POPDC2: variants seen among roughly 807,000 people sequenced by gnomAD.
The protein encoded by POPDC2 is popeye domain-containing protein 2.
A neutral mutation model predicts 30.5 loss-of-function variants in POPDC2; 24 were observed. The observed-to-expected ratio is 0.79, with a 90% CI of 0.57 to 1.11. The LOEUF is 1.11. Among genes scored for constraint, POPDC2 ranks in the 50% least tolerant of loss-of-function variants. The probability of loss-of-function intolerance (pLI) is 0.00; values close to 1 mark genes in which losing one functional copy is unlikely to be tolerated. For missense variants in POPDC2, 409 were observed against 447.0 expected, an observed-to-expected ratio of 0.91 and a Z score of 0.77; for synonymous variants, 185 against 183.3, an observed-to-expected ratio of 1.01 and a Z score of -0.07.
intron 2 of POPDC2, among the ~76,000 whole-genome samples, chr3:119,652,854 G>C (rs75022313): frequency 1.6e-4 from 25 of 152,314 alleles, no homozygotes; most frequent in African/African-American, 6.0e-4. Context: ...GTGTCAGGGT[G>C]GGGGCAGAAG....
Position 119,660,039 on chromosome 3 carries a change from T to A in POPDC2, c.385A>T (p.Ile129Phe). Residue 129 changes from isoleucine to phenylalanine, a missense_variant, in exon 1 of 4, where the codon ATT becomes TTT. Ile to Phe is a conservative substitution (Grantham distance 21, BLOSUM62 0). Coordinates refer to ENST00000493094, the MANE Select transcript of POPDC2 (RefSeq NM_001369919.2). ...LQVPLQTYKE[I>F]VHCCEEQVLT... is the part of the protein sequence containing the mutation. ...ACCTGCTCCTCGCAGCAGTGAACAA[T>A]CTCCTTGTATGTCTGTAGGGGCACC... The A allele has an allele frequency of 1.2e-6, 2 of 1,614,118 alleles. No individual in the cohort carries two copies. Among genetic ancestry groups the A allele is most frequent in the African/African-American group, 1.3e-5 (1 of 75,018 alleles).
intron 1 of POPDC2, among the ~76,000 whole-genome samples, chr3:119,658,083 A>G (rs1239103815): frequency 6.6e-6 from 1 of 152,194 alleles, no homozygotes; most frequent in Non-Finnish European, 1.5e-5. Context: ...AGTCTGCACA[A>G]GAGTCCCCAC....
At chr3:119,658,381 C>CT (rs947563241) in intron 1 of POPDC2, among the ~76,000 whole-genome samples, 2 of 152,232 alleles carry the variant, frequency 1.3e-5, no homozygotes, top group African/African-American at 4.8e-5. Flanking sequence ...GCAAGCCCCC[C>CT]TCTCCCCTTC....
chr3:119,651,899 G>T (rs1254595444), intron 2 of POPDC2, among the ~76,000 whole-genome samples: 1 of 152,138 alleles, frequency 6.6e-6, no homozygotes, highest in South Asian at 2.1e-4. Flanking sequence ...CTCCCAAAGT[G>T]CTGGGGTTAT....
At chr3:119,643,320 T>C (rs2052711208) in intron 3 of POPDC2, 1 of 1,272,306 alleles carries the variant, frequency 7.9e-7, no homozygotes, top group Non-Finnish European at 1.1e-6. Context: ...ATTCAGGGGC[T>C]AAAGAGCTAG....
intron 3 of POPDC2, chr3:119,643,454 T>C (rs1229381705): frequency 6.6e-7 from 1 of 1,513,278 alleles, no homozygotes; most frequent in Non-Finnish European, 8.9e-7. Flanking sequence ...CTATCTCTGA[T>C]AAAAGAAAGA....
At chr3:119,653,732 C>T (rs1318768140) in intron 2 of POPDC2, among the ~76,000 whole-genome samples, 3 of 152,172 alleles carry the variant, frequency 2.0e-5, no homozygotes, top group Admixed American at 6.5e-5. Flanking sequence ...CCACCTCAGC[C>T]TCCCAAAGTG....
rs544792887 is a variant in POPDC2, at chr3:119,648,037, G to A, written c.*43+82C>T. The A allele has an allele frequency of 6.7e-5, 78 of 1,155,718 alleles. 2 individuals are homozygous for A. The South Asian group carries it at 1.1e-3, about 17-fold the overall frequency. The allele number at this position is 1,155,718 out of a possible 1,614,324, so 71.6% of individuals were successfully genotyped here. On this transcript the variant is annotated intron_variant, in intron 3 of 3. Transcript: ENST00000493094. ...AGTCCTCTAAGAGGAAATGTTCCACGAATGATTTTTTTTGCCCTAACAAGC... is the reference window on the plus strand; with the variant it reads ...AGTCCTCTAAGAGGAAATGTTCCACAAATGATTTTTTTTGCCCTAACAAGC...
At chr3:119,646,145 G>C (rs910524517) in intron 3 of POPDC2, among the ~76,000 whole-genome samples, 1 of 151,976 alleles carries the variant, frequency 6.6e-6, no homozygotes, top group Non-Finnish European at 1.5e-5. Context: ...GGAAGAGTTA[G>C]GATTAAAAAC....
At chr3:119,652,035 G>C (rs536499010) in intron 2 of POPDC2, among the ~76,000 whole-genome samples, 1 of 143,776 alleles carries the variant, frequency 7.0e-6, no homozygotes, top group Non-Finnish European at 1.5e-5. Flanking sequence ...CATATCTGTT[G>C]TAACGTTTTG....
chr3:119,648,924 G>A (rs2052779124), intron 2 of POPDC2, among the ~76,000 whole-genome samples: 1 of 152,172 alleles, frequency 6.6e-6, no homozygotes, highest in Non-Finnish European at 1.5e-5. Context: ...TGAAGCCTCA[G>A]TTTCCACATC....
Position 119,659,933 on chromosome 3 carries a change from C to T in POPDC2, c.491G>A (p.Arg164Gln), listed in dbSNP as rs780198499. 12 of 1,579,550 alleles carry T rather than the reference C, an allele frequency of 7.6e-6. No homozygotes were observed. Among genetic ancestry groups the T allele is most frequent in the Admixed American group, 3.5e-5 (2 of 57,904 alleles). ...INRLSLLLSG[R>Q]VRVSQDGQFL... is the part of the protein sequence containing the mutation. Reference sequence around the variant, plus strand: ...CTGGGCAATGGATAGAGTAGCTTACCGGCCAGAGAGCAGCAGGGACAGGCG... The same window carrying T: ...CTGGGCAATGGATAGAGTAGCTTACTGGCCAGAGAGCAGCAGGGACAGGCG... The change falls in exon 1 of 4, where the codon CGG becomes CAG. Residue 164 changes from arginine to glutamine, a missense_variant and splice_region_variant. Physicochemically the swap from Arg to Gln is conservative, Grantham distance 43 (BLOSUM62 1). Coordinates refer to ENST00000493094, the MANE Select transcript of POPDC2 (RefSeq NM_001369919.2).
chr3:119,642,228 G>T lies in POPDC2; in HGVS notation c.*377C>A. The T allele has an allele frequency of 3.1e-6, 1 of 320,268 alleles. No individual in the cohort carries two copies. 19.8% of individuals were successfully genotyped at this position (320,268 alleles called of 1,614,324 possible). A position where few individuals can be genotyped will look rare whatever the true frequency, so the allele number is the denominator to read the frequency against. On this transcript the variant is annotated 3_prime_UTR_variant, in exon 4 of 4. Transcript: ENST00000493094. ...TATGTAACTTGCCCAAGATTCTGCA[G>T]CTGGTAAAGGACGGAATCTGTGCCT...
chr3:119,660,628 T>TTCTCTC (rs370359165), upstream of POPDC2: 2 of 413,378 alleles, frequency 4.8e-6, no homozygotes, highest in Non-Finnish European at 8.5e-6. Context: ...AAAAACCTCT[T>TTCTCTC]TCTCTCTCTC....
chr3:119,648,529 G>C lies in POPDC2; in HGVS notation c.740C>G (p.Thr247Ser), dbSNP rs1179704748. The change falls in exon 3 of 4, where the codon ACT becomes AGT. Residue 247 changes from threonine to serine, a missense_variant. Transcript: ENST00000493094. ...LGYDISEKLY[T>S]LNDKLFAKFG... ...CTTAGCAAAGAGCTTGTCATTGAGAGTGTAGAGCTTCTCTGAGATGTCATA... is the reference window on the plus strand; with the variant it reads ...CTTAGCAAAGAGCTTGTCATTGAGACTGTAGAGCTTCTCTGAGATGTCATA... 6.2e-7 allele frequency: 1 copy of C among 1,614,160 alleles called. No individual in the cohort carries two copies. Among genetic ancestry groups the C allele is most frequent in the South Asian group, 1.1e-5 (1 of 91,086 alleles).
At chr3:119,659,490 T>A (rs3749417) in intron 1 of POPDC2, among the ~76,000 whole-genome samples, 1 of 152,058 alleles carries the variant, frequency 6.6e-6, no homozygotes, top group Non-Finnish European at 1.5e-5. Context: ...CATTGTTCCC[T>A]GAATACAGTT....
chr3:119,654,957 A>G (rs917732325), intron 1 of POPDC2, among the ~76,000 whole-genome samples: 1 of 152,242 alleles, frequency 6.6e-6, no homozygotes, highest in Non-Finnish European at 1.5e-5. Context: ...CTCTCTAGGT[A>G]GGAACTGGAT....
At chr3:119,655,659 CTT>C (rs1306884172) in intron 1 of POPDC2, among the ~76,000 whole-genome samples, 1 of 152,212 alleles carries the variant, frequency 6.6e-6, no homozygotes, top group East Asian at 1.9e-4. Flanking sequence ...CCAGTGTTCT[CTT>C]ATATAATGTT....
chr3:119,654,810 TC>T, intron 1 of POPDC2, 197 bp from the exon 2 acceptor site: 1 of 539,438 alleles, frequency 1.9e-6, no homozygotes, highest in South Asian at 2.5e-5. Flanking sequence ...CATTGAGACT[TC>T]CAGAACCCTC....
Sources: gnomAD v4.1 joint callset for allele counts (sites outside exome capture counted in the v4.1 genomes callset) on GRCh38, gnomAD v4.1.1 for gene constraint, MANE v1.5 for transcripts, NCBI Gene and HGNC (gene_info 2026-07-23, HGNC 2026-07-21) for gene names.